Variants in KIF25 observed in about 807,000 individuals in gnomAD.
KIF25 encodes the protein kinesin-like protein KIF25.
KIF25 carries 19 observed loss-of-function variants against 32.9 expected under a neutral mutation model. That is an observed-to-expected ratio of 0.58 (90% CI 0.40 to 0.85). The LOEUF is 0.85. Ranked by LOEUF, KIF25 falls within the 40% of genes least tolerant of loss-of-function variation. The pLI is 0.00. For synonymous variants in KIF25, 225 were observed against 213.7 expected, an observed-to-expected ratio of 1.05 and a Z score of -0.46; for missense variants, 485 against 507.0, an observed-to-expected ratio of 0.96 and a Z score of 0.42.
intron 5 of KIF25, among the ~76,000 whole-genome samples, chr6:168,023,420 A>G (rs1381308449): frequency 1.3e-5 from 2 of 151,924 alleles, no homozygotes; most frequent in African/African-American, 2.4e-5. Flanking sequence ...GGCATGCACC[A>G]TCACATCCGG....
At chr6:168,020,924 G>T (rs1212277331) in intron 5 of KIF25, among the ~76,000 whole-genome samples, 1 of 152,176 alleles carries the variant, frequency 6.6e-6, no homozygotes, top group Non-Finnish European at 1.5e-5. Context: ...AATAAAGGCG[G>T]TCAATACAAT....
At position 168,042,644 on chromosome 6, in the gene KIF25, G is replaced by C; in HGVS notation, c.913G>C (p.Ala305Pro). 1 of 1,613,852 alleles carries C rather than the reference G, an allele frequency of 6.2e-7. No individual in the cohort carries two copies. Among genetic ancestry groups the C allele is most frequent in the Non-Finnish European group, 8.5e-7 (1 of 1,180,030 alleles). ...SLAALAGVLGALLEHRGHAPY... is the reference protein window; with the variant it reads ...SLAALAGVLGPLLEHRGHAPY... ...TGCGGCCCTGGCAGGCGTCCTGGGGGCTTTGTTGGAGCACCGTGGCCATGC... is the reference window on the plus strand; with the variant it reads ...TGCGGCCCTGGCAGGCGTCCTGGGGCCTTTGTTGGAGCACCGTGGCCATGC... The change falls in exon 12 of 13, where the codon GCT (alanine) becomes CCT (proline). Residue 305 changes from alanine (A) to proline (P), a missense_variant. By Grantham distance (27) the Ala-to-Pro change is conservative (BLOSUM62 -1). Around this residue, in one of 2 missense-constraint regions of KIF25, gnomAD observed 480 missense variants for 470.3 expected, o/e 1.02. Transcript: ENST00000643607.
intron 8 of KIF25, among the ~76,000 whole-genome samples, chr6:168,037,721 A>G (rs552369018): frequency 2.0e-5 from 3 of 152,128 alleles, no homozygotes; most frequent in Non-Finnish European, 4.4e-5. Flanking sequence ...TAGTTCTTTA[A>G]AACATGGAGC....
At chr6:168,028,652 G>T (rs932077540) in intron 5 of KIF25, among the ~76,000 whole-genome samples, 1 of 152,196 alleles carries the variant, frequency 6.6e-6, no homozygotes. Flanking sequence ...TATTTTGGGG[G>T]GGATTGAGGT....
chr6:168,006,869 C>T (rs956928505), intron 4 of KIF25, among the ~76,000 whole-genome samples: 3 of 152,122 alleles, frequency 2.0e-5, no homozygotes, highest in Admixed American at 2.0e-4. Flanking sequence ...AGTTAACGGA[C>T]TGATAGCCTT....
intron 2 of KIF25, among the ~76,000 whole-genome samples, chr6:168,002,138 A>T (rs777746301): frequency 0.01 from 265 of 25,266 alleles, 11 homozygotes; most frequent in African/African-American, 0.056. Flanking sequence ...GGCAGGTGAG[A>T]AGACACCTGA....
At chr6:168,032,333 A>G (rs1265541913) in intron 7 of KIF25, among the ~76,000 whole-genome samples, 1 of 152,252 alleles carries the variant, frequency 6.6e-6, no homozygotes, top group Non-Finnish European at 1.5e-5. Context: ...TCATTCTTAA[A>G]TGGTTGAAAG....
At chr6:168,023,663 A>G (rs1220571516) in intron 5 of KIF25, among the ~76,000 whole-genome samples, 1 of 152,222 alleles carries the variant, frequency 6.6e-6, no homozygotes, top group South Asian at 2.1e-4. Context: ...CAGCCTCCCA[A>G]GGGCTAGGAT....
chr6:168,026,263 A>T (rs923308414), intron 5 of KIF25, among the ~76,000 whole-genome samples: 1 of 152,126 alleles, frequency 6.6e-6, no homozygotes, highest in Admixed American at 6.5e-5. Context: ...GTTCATGCCG[A>T]CACGTGTCTT....
chr6:168,027,967 T>C (rs1374979240), intron 5 of KIF25, among the ~76,000 whole-genome samples: 3 of 152,148 alleles, frequency 2.0e-5, no homozygotes, highest in East Asian at 1.9e-4. Context: ...TCTGGTGTCT[T>C]TGAGCCACAC....
chr6:168,016,189 G>A (rs1478188266), intron 4 of KIF25, among the ~76,000 whole-genome samples: 1 of 152,150 alleles, frequency 6.6e-6, no homozygotes, highest in Admixed American at 6.5e-5. Context: ...GGTCCTGGCG[G>A]GTGTCGGAGT....
chr6:168,030,095 T>G (rs1314130958), intron 6 of KIF25, among the ~76,000 whole-genome samples: 2 of 152,228 alleles, frequency 1.3e-5, no homozygotes, highest in Non-Finnish European at 2.9e-5. Context: ...TCTCTCACCG[T>G]GCTCCAGGCT....
At position 168,021,067 on chromosome 6, in the gene KIF25, C is replaced by T. The variant is rs530295334; in HGVS notation, c.-95+3027C>T. ...ACAGAGTTGGAGGACTCACACTACC[C>T]GATTTAAAGACTTAAAATCATTAAG... On this transcript the variant is annotated intron_variant, in intron 5 of 12. Coordinates refer to ENST00000643607, the MANE Select transcript of KIF25 (RefSeq NM_030615.4). Among the ~76,000 whole-genome samples, 9 of 152,236 alleles carry T rather than the reference C, an allele frequency of 5.9e-5. No homozygotes were observed. The South Asian group carries it at 8.3e-4, about 14-fold the overall frequency.
chr6:168,013,012 A>G (rs1244756817), intron 4 of KIF25, among the ~76,000 whole-genome samples: 1 of 151,974 alleles, frequency 6.6e-6, no homozygotes, highest in Non-Finnish European at 1.5e-5. Context: ...TACAGGTGCA[A>G]GGCTGCATGC....
intron 4 of KIF25, among the ~76,000 whole-genome samples, chr6:168,013,897 G>A (rs1478243010): frequency 6.6e-6 from 1 of 152,084 alleles, no homozygotes; most frequent in East Asian, 1.9e-4. Flanking sequence ...CACATAGTCC[G>A]AGCTCAGCTG....
chr6:168,034,511 G>A (rs1798988527), intron 8 of KIF25, among the ~76,000 whole-genome samples: 1 of 152,060 alleles, frequency 6.6e-6, no homozygotes, highest in Non-Finnish European at 1.5e-5. Flanking sequence ...CACTCGCCTC[G>A]GCCTCCCAAA....
chr6:168,016,672 C>T (rs74459798), intron 4 of KIF25, among the ~76,000 whole-genome samples: 1,719 of 152,364 alleles, frequency 0.011, 7 homozygotes, highest in Non-Finnish European at 0.019. Context: ...TCTTTGGCTT[C>T]GGTGACTTCA....
In KIF25 at chr6:168,038,273, C is replaced by T. The variant is rs564283527; in HGVS notation, c.318-280C>T. 3.9e-5 allele frequency among the ~76,000 whole-genome samples: 6 copies of T among 152,310 alleles called. No individual in the cohort carries two copies. In the East Asian group the frequency reaches 7.7e-4, roughly 20 times the overall value. On this transcript the variant is annotated intron_variant, in intron 8 of 12. Transcript: ENST00000643607. Reference sequence around the variant, plus strand: ...CAGCCATGGGATAGTCAGGCTTCTTCGCCCTGTGTGTTTAGAATCCTCAGT... The same window carrying T: ...CAGCCATGGGATAGTCAGGCTTCTTTGCCCTGTGTGTTTAGAATCCTCAGT...
chr6:168,007,747 G>A (rs1008200501), intron 4 of KIF25, among the ~76,000 whole-genome samples: 5 of 151,450 alleles, frequency 3.3e-5, no homozygotes, highest in East Asian at 2.0e-4. Flanking sequence ...GATGGCTCCC[G>A]TTGTTAGGGA....
Sources: gnomAD v4.1 joint callset for allele counts (sites outside exome capture counted in the v4.1 genomes callset) on GRCh38, gnomAD v4.1.1 for gene constraint, gnomAD v4.1.1 regional missense constraint, MANE v1.5 for transcripts, NCBI Gene and HGNC (gene_info 2026-07-23, HGNC 2026-07-21) for gene names.